Variants in PREX1 observed in about 807,000 individuals in gnomAD.
The protein encoded by PREX1 is phosphatidylinositol 3,4,5-trisphosphate-dependent Rac exchanger 1 protein.
In PREX1, 41 loss-of-function variants were observed where a neutral mutation model predicts 198.3. The ratio of observed to expected loss-of-function variants is 0.21; its 90% confidence interval spans 0.16 to 0.27. PREX1 has a LOEUF of 0.27. Ranked by LOEUF, PREX1 falls within the 10% of genes least tolerant of loss-of-function variation. The pLI, the probability that PREX1 is intolerant of heterozygous loss-of-function variation, is 1.00. For missense variants in PREX1, 1,620 were observed against 2,200.7 expected, an observed-to-expected ratio of 0.74 and a Z score of 5.28; for synonymous variants, 843 against 887.2, an observed-to-expected ratio of 0.95 and a Z score of 0.89.
At chr20:48,751,030 C>A (rs2090131975) in intron 1 of PREX1, among the ~76,000 whole-genome samples, 1 of 152,218 alleles carries the variant, frequency 6.6e-6, no homozygotes, top group Non-Finnish European at 1.5e-5. Flanking sequence ...AGGGACCCTG[C>A]CTGTCTTGTT....
chr20:48,847,364 T>TAAAAAAAAAAAAA, the PREX1 span, among the ~76,000 whole-genome samples: 1,315 of 76,640 alleles, frequency 0.017, 27 homozygotes, highest in Non-Finnish European at 0.025. Flanking sequence ...CCTTCTCTTA[T>TAAAAAAAAAAAAA]AAAAAAAAAA....
intron 25 of PREX1, among the ~76,000 whole-genome samples, 160 bp from the exon 26 acceptor site, chr20:48,646,217 A>G (rs1369924839): frequency 6.6e-6 from 1 of 152,216 alleles, no homozygotes; most frequent in East Asian, 1.9e-4. Flanking sequence ...AGGCTCTACC[A>G]GAAGGTGAGG....
chr20:48,632,201 G>A, intron 35 of PREX1, 76 bp downstream of exon 35: 1 of 1,412,710 alleles, frequency 7.1e-7, no homozygotes. Context: ...GGTCCGCCTG[G>A]CACCTTCCAT....
At chr20:48,872,158 CAAAA>C in the PREX1 span, among the ~76,000 whole-genome samples, 3 of 96,986 alleles carry the variant, frequency 3.1e-5, no homozygotes. Flanking sequence ...GACTCTGTCT[CAAAA>C]AAAAAAAAAA....
At position 48,747,817 on chromosome 20, in the gene PREX1, T is replaced by G. The variant is rs2122781523; in HGVS notation, c.283A>C (p.Asn95His). 2.5e-6 allele frequency: 4 copies of G among 1,613,110 alleles called. No individual in the cohort carries two copies. Among genetic ancestry groups the G allele is most frequent in the Non-Finnish European group, 3.4e-6 (4 of 1,179,520 alleles). Residue 95 changes from asparagine to histidine, a missense_variant, in exon 2 of 40, where the codon AAT becomes CAT. Transcript: ENST00000371941. Reference sequence around the variant, plus strand: ...AGCCCCAGCGTCCACACCTTGACATTCTCCTCCGTGAGGCCCTTCTCCACT... The same window carrying G: ...AGCCCCAGCGTCCACACCTTGACATGCTCCTCCGTGAGGCCCTTCTCCACT... ...DSVEKGLTEE[N>H]VKVLFSNIED...
At chr20:48,771,353 T>G (rs1337859237) in intron 1 of PREX1, among the ~76,000 whole-genome samples, 2 of 151,718 alleles carry the variant, frequency 1.3e-5, no homozygotes, top group Non-Finnish European at 2.9e-5. Context: ...ATGCTTAGGA[T>G]TTTTTTCAGC....
intron 18 of PREX1, among the ~76,000 whole-genome samples, chr20:48,655,990 T>G (rs73142185): frequency 0.16 from 23,895 of 152,154 alleles, 2,210 homozygotes; most frequent in Middle Eastern, 0.29. Flanking sequence ...AAAGCCGAGC[T>G]GGGAGCCTGC....
chr20:48,629,745 C>T lies in PREX1; in HGVS notation c.4594-124G>A, dbSNP rs533538730. On this transcript the variant is annotated intron_variant, in intron 36 of 39. Transcript: ENST00000371941. ...AGCTGTTCCTGCAGCTGCCTCCCAG[C>T]TCACCCCTCTGGGGATAACAATGCA... 7.6e-6 allele frequency: 8 copies of T among 1,056,064 alleles called. No homozygotes were observed. In the East Asian group the frequency reaches 2.0e-4, roughly 27 times the overall value. The allele number at this position is 1,056,064 out of a possible 1,614,324, so 65.4% of individuals were successfully genotyped here. A position where few individuals can be genotyped will look rare whatever the true frequency, so the allele number is the denominator to read the frequency against.
intron 14 of PREX1, among the ~76,000 whole-genome samples, chr20:48,668,915 T>C: frequency 6.6e-6 from 1 of 152,040 alleles, no homozygotes; most frequent in East Asian, 1.9e-4. Flanking sequence ...CACCTGGCCT[T>C]CTGAGGCGCT....
chr20:48,764,449 A>G (rs2090198740), intron 1 of PREX1, among the ~76,000 whole-genome samples: 1 of 152,156 alleles, frequency 6.6e-6, no homozygotes, highest in African/African-American at 2.4e-5. Context: ...GATTATCAAT[A>G]GCATTGAGGT....
At chr20:48,886,928 T>C in the PREX1 span, among the ~76,000 whole-genome samples, 4 of 152,216 alleles carry the variant, frequency 2.6e-5, no homozygotes, top group Non-Finnish European at 5.9e-5. Flanking sequence ...CTCCCTTCCA[T>C]GTACACAGTA....
intron 5 of PREX1, among the ~76,000 whole-genome samples, chr20:48,715,499 T>C (rs1251661326): frequency 2.6e-5 from 4 of 152,178 alleles, no homozygotes; most frequent in Admixed American, 6.5e-5. Context: ...AGGCATGGTC[T>C]CTACTTCGCC....
chr20:48,824,879 T>C (rs531359217), intron 1 of PREX1, among the ~76,000 whole-genome samples: 1 of 152,254 alleles, frequency 6.6e-6, no homozygotes, highest in South Asian at 2.1e-4. Context: ...CATGGGCCGA[T>C]GGGACCTTCA....
the PREX1 span, among the ~76,000 whole-genome samples, chr20:48,887,539 G>A: frequency 6.6e-6 from 1 of 152,302 alleles, no homozygotes; most frequent in South Asian, 2.1e-4. Flanking sequence ...AAGACAGCTT[G>A]AGCCCGGGAA....
chr20:48,716,858 G>A (rs534417655), intron 5 of PREX1, among the ~76,000 whole-genome samples: 14 of 152,214 alleles, frequency 9.2e-5, no homozygotes, highest in African/African-American at 3.1e-4. Flanking sequence ...GGTGACCAAC[G>A]ACGCCACTGT....
chr20:48,842,929 T>C, the PREX1 span, among the ~76,000 whole-genome samples: 1 of 152,318 alleles, frequency 6.6e-6, no homozygotes, highest in South Asian at 2.1e-4. Flanking sequence ...GTTTTTCATC[T>C]ATTTTGCTCA....
At chr20:48,665,023 C>T (rs1280913400) in intron 15 of PREX1, among the ~76,000 whole-genome samples, 1 of 143,568 alleles carries the variant, frequency 7.0e-6, no homozygotes, top group Non-Finnish European at 1.5e-5. Context: ...CTCCAGACGG[C>T]CTGAATTCTA....
At chr20:48,720,402 G>A (rs761004619) in intron 5 of PREX1, among the ~76,000 whole-genome samples, 1 of 152,092 alleles carries the variant, frequency 6.6e-6, no homozygotes, top group Non-Finnish European at 1.5e-5. Flanking sequence ...TGTACCTCTA[G>A]CACCTCAAGC....
At chr20:48,655,147 T>A (rs1955207210) in intron 19 of PREX1, 143 bp downstream of exon 19, 2 of 888,980 alleles carry the variant, frequency 2.2e-6, no homozygotes, top group African/African-American at 3.6e-5. Context: ...TGTTTGCAAG[T>A]CTTGGCATCA....
Sources: gnomAD v4.1 joint callset for allele counts (sites outside exome capture counted in the v4.1 genomes callset) on GRCh38, gnomAD v4.1.1 for gene constraint, MANE v1.5 for transcripts, NCBI Gene and HGNC (gene_info 2026-07-23, HGNC 2026-07-21) for gene names.